PACS1: variants seen among roughly 807,000 people sequenced by gnomAD.
PACS1 encodes the protein PACS-1.
Under a neutral mutation model 115.0 loss-of-function variants are expected in PACS1, and 24 were observed. The ratio of observed to expected loss-of-function variants is 0.21; its 90% CI spans 0.15 to 0.29. PACS1 has a LOEUF of 0.29. PACS1 is among the 10% of genes least tolerant of loss of function. The pLI, the probability that PACS1 is intolerant of heterozygous loss-of-function variation, is 1.00. For synonymous variants in PACS1, 453 were observed against 504.5 expected (o/e 0.90, Z 1.37); for missense variants, 838 against 1,251.2 (o/e 0.67, Z 4.98).
intron 8 of PACS1, chr11:66,220,407 C>A: frequency 1.8e-6 from 1 of 550,914 alleles, no homozygotes. Context: ...GGCACAGCTT[C>A]ACAGTGTGGA....
intron 1 of PACS1, among the ~76,000 whole-genome samples, chr11:66,112,467 CAGTT>C (rs1858211938): frequency 6.6e-6 from 1 of 152,202 alleles, no homozygotes; most frequent in Non-Finnish European, 1.5e-5. Context: ...CCTCGCTGCG[CAGTT>C]AGTCACATGC....
chr11:66,227,766 T>A (rs972668065), intron 11 of PACS1, among the ~76,000 whole-genome samples, 182 bp downstream of exon 11: 4 of 152,220 alleles, frequency 2.6e-5, no homozygotes, highest in African/African-American at 9.6e-5. Flanking sequence ...CTACCTGGTG[T>A]AGACACCAGG....
intron 7 of PACS1, 184 bp from the exon 8 acceptor site, chr11:66,219,562 G>GAGCT: frequency 1.4e-6 from 1 of 700,090 alleles, no homozygotes; most frequent in Non-Finnish European, 2.6e-6. Flanking sequence ...CAAGGCCCAG[G>GAGCT]AGCTACACTG....
At chr11:66,215,939 AATAATAATAAT>A (rs1213894607) in intron 4 of PACS1, among the ~76,000 whole-genome samples, 169 bp from the exon 5 acceptor site, 4 of 148,182 alleles carry the variant, frequency 2.7e-5, no homozygotes, top group African/African-American at 9.9e-5. Context: ...TAATAATAAT[AATAATAATAAT>A]AAACAAAGTA....
intron 1 of PACS1, among the ~76,000 whole-genome samples, chr11:66,148,149 A>G (rs1256017750): frequency 2.6e-5 from 4 of 152,100 alleles, no homozygotes; most frequent in African/African-American, 4.8e-5. Flanking sequence ...ACTTTTTAAA[A>G]ATTAATTATT....
In PACS1 at chr11:66,079,808, T is replaced by C. The variant is rs559816397; in HGVS notation, c.356+8966T>C. ...GATCCCCTTTTCATGGTTCAGGAGA[T>C]GCTAAACGATGCAGCCCCTTCCCAT... On this transcript the variant is annotated intron_variant, in intron 1 of 23. Coordinates refer to ENST00000320580, the MANE Select transcript of PACS1 (RefSeq NM_018026.4). Among the ~76,000 whole-genome samples the C allele has an allele frequency of 2.0e-5, 3 of 152,336 alleles. No individual in the cohort carries two copies. The South Asian group carries it at 6.2e-4, about 32-fold the overall frequency.
At chr11:66,076,131 G>A (rs1186514741) in intron 1 of PACS1, among the ~76,000 whole-genome samples, 1 of 152,186 alleles carries the variant, frequency 6.6e-6, no homozygotes, top group African/African-American at 2.4e-5. Context: ...CAGGGTAATA[G>A]TATCCATCGT....
At chr11:66,166,991 C>G (rs1859619487) in intron 1 of PACS1, among the ~76,000 whole-genome samples, 1 of 150,196 alleles carries the variant, frequency 6.7e-6, no homozygotes, top group South Asian at 2.1e-4. Context: ...AAAGATGATG[C>G]CTAATAGTTT....
chr11:66,168,900 A>G (rs1326949398), intron 1 of PACS1, among the ~76,000 whole-genome samples: 1 of 150,542 alleles, frequency 6.6e-6, no homozygotes, highest in East Asian at 1.9e-4. Context: ...ATTAATCCTA[A>G]TAATGAGAAT....
intron 1 of PACS1, among the ~76,000 whole-genome samples, chr11:66,100,077 G>A (rs1212660841): frequency 2.0e-5 from 3 of 151,792 alleles, no homozygotes; most frequent in East Asian, 1.9e-4. Context: ...ACGTGGTCTC[G>A]CCATGTTGGT....
chr11:66,179,982 G>T (rs1859963163), intron 1 of PACS1, among the ~76,000 whole-genome samples: 1 of 151,994 alleles, frequency 6.6e-6, no homozygotes, highest in Non-Finnish European at 1.5e-5. Flanking sequence ...CTCCTGAACA[G>T]CTAGGATTCA....
At chr11:66,079,853 C>T (rs1012559586) in intron 1 of PACS1, among the ~76,000 whole-genome samples, 2 of 152,188 alleles carry the variant, frequency 1.3e-5, no homozygotes, top group Non-Finnish European at 2.9e-5. Context: ...CTCACCTTTG[C>T]GTTCTCCCCT....
intron 2 of PACS1, among the ~76,000 whole-genome samples, chr11:66,204,083 C>A (rs1423217905): frequency 6.6e-6 from 1 of 152,136 alleles, no homozygotes; most frequent in African/African-American, 2.4e-5. Context: ...CTGGGCCAGG[C>A]ACGGTGGCTC....
intron 1 of PACS1, among the ~76,000 whole-genome samples, chr11:66,179,101 A>G (rs1171498131): frequency 6.6e-6 from 1 of 152,188 alleles, no homozygotes; most frequent in Non-Finnish European, 1.5e-5. Context: ...TGATGTTGTC[A>G]GATTTATAAT....
chr11:66,147,709 G>A (rs1371269398), intron 1 of PACS1, among the ~76,000 whole-genome samples: 1 of 152,118 alleles, frequency 6.6e-6, no homozygotes, highest in African/African-American at 2.4e-5. Context: ...CTGGAGGCTG[G>A]GAAGGTTAGG....
At chr11:66,217,741 TG>T in intron 7 of PACS1, 2 of 397,238 alleles carry the variant, frequency 5.0e-6, no homozygotes, top group Admixed American at 5.4e-5. Flanking sequence ...CCATGAGGTG[TG>T]TCACCAGTAC....
intron 1 of PACS1, among the ~76,000 whole-genome samples, chr11:66,102,595 G>C (rs1857944976): frequency 6.6e-6 from 1 of 151,966 alleles, no homozygotes; most frequent in African/African-American, 2.4e-5. Context: ...AAAATGCTGA[G>C]ATTACAGGCC....
chr11:66,202,986 A>T (rs977382609), intron 2 of PACS1, among the ~76,000 whole-genome samples: 7 of 151,898 alleles, frequency 4.6e-5, no homozygotes, highest in African/African-American at 1.7e-4. Context: ...ACTGTTATTC[A>T]GTATAGTACT....
At chr11:66,159,712 C>A (rs1335058704) in intron 1 of PACS1, among the ~76,000 whole-genome samples, 1 of 152,168 alleles carries the variant, frequency 6.6e-6, no homozygotes, top group Non-Finnish European at 1.5e-5. Flanking sequence ...GGTTACTCCA[C>A]TTTCACAGAA....
Sources: gnomAD v4.1 joint callset for allele counts (sites outside exome capture counted in the v4.1 genomes callset) on GRCh38, gnomAD v4.1.1 for gene constraint, MANE v1.5 for transcripts, NCBI Gene and HGNC (gene_info 2026-07-23, HGNC 2026-07-21) for gene names.